OLA1: variants seen among roughly 807,000 people sequenced by gnomAD.
OLA1 encodes the protein Obg like ATPase 1.
A neutral mutation model predicts 48.4 loss-of-function variants in OLA1; 14 were observed. The ratio of observed to expected loss-of-function variants is 0.29; its 90% confidence interval spans 0.19 to 0.45. The LOEUF (loss-of-function observed/expected upper bound fraction) is 0.45. OLA1 is among the 20% of genes least tolerant of loss of function. The pLI, the probability that OLA1 is intolerant of heterozygous loss-of-function variation, is 1.00. For synonymous variants in OLA1, 127 were observed against 150.4 expected, an observed-to-expected ratio of 0.84 and a Z score of 1.14; for missense variants, 325 against 467.1, an observed-to-expected ratio of 0.70 and a Z score of 2.80.
chr2:174,116,732 A>G (rs1685793443), intron 7 of OLA1, among the ~76,000 whole-genome samples: 1 of 152,196 alleles, frequency 6.6e-6, no homozygotes, highest in South Asian at 2.1e-4. Context: ...ATTACACTTC[A>G]TTAAAATCAT....
intron 4 of OLA1, among the ~76,000 whole-genome samples, chr2:174,159,650 TAAATA>T (rs1250030705): frequency 6.6e-6 from 1 of 152,126 alleles, no homozygotes; most frequent in Non-Finnish European, 1.5e-5. Flanking sequence ...GCTTATATAA[TAAATA>T]AAATGATTAA....
chr2:174,105,041 T>C (rs1285273523), intron 7 of OLA1, among the ~76,000 whole-genome samples: 1 of 151,926 alleles, frequency 6.6e-6, no homozygotes, highest in African/African-American at 2.4e-5. Context: ...GCATATTAAG[T>C]GGAAAAAATT....
intron 4 of OLA1, among the ~76,000 whole-genome samples, chr2:174,196,551 G>C (rs746454224): frequency 6.6e-6 from 1 of 152,178 alleles, no homozygotes; most frequent in Non-Finnish European, 1.5e-5. Flanking sequence ...CCATTTGGTG[G>C]TTGTAATTTA....
chr2:174,243,384 A>G (rs1047474305), intron 2 of OLA1, among the ~76,000 whole-genome samples: 2 of 152,202 alleles, frequency 1.3e-5, no homozygotes, highest in Admixed American at 6.5e-5. Context: ...AGCCATGATC[A>G]TGCCACCGCA....
chr2:174,169,279 G>A (rs983828450), intron 4 of OLA1, among the ~76,000 whole-genome samples: 1 of 152,060 alleles, frequency 6.6e-6, no homozygotes, highest in Admixed American at 6.5e-5. Flanking sequence ...TAAAAGGAGA[G>A]GGGAAAGAGA....
At chr2:174,246,151 T>C (rs2105469958) in intron 2 of OLA1, among the ~76,000 whole-genome samples, 1 of 151,198 alleles carries the variant, frequency 6.6e-6, no homozygotes, top group African/African-American at 2.4e-5. Flanking sequence ...AATACAAAAA[T>C]TAGCTGGGCG....
intron 4 of OLA1, among the ~76,000 whole-genome samples, chr2:174,178,655 A>G (rs1687470319): frequency 6.6e-6 from 1 of 152,004 alleles, no homozygotes; most frequent in Admixed American, 6.6e-5. Flanking sequence ...CAAATCAAAT[A>G]TAGTATATAT....
intron 7 of OLA1, among the ~76,000 whole-genome samples, chr2:174,086,459 A>G (rs1421770600): frequency 3.9e-5 from 6 of 152,212 alleles, no homozygotes; most frequent in Non-Finnish European, 8.8e-5. Context: ...ACCCTCGGAC[A>G]GTACCAAACC....
At chr2:174,122,036 C>A (rs974494841) in intron 7 of OLA1, among the ~76,000 whole-genome samples, 1 of 152,072 alleles carries the variant, frequency 6.6e-6, no homozygotes, top group Admixed American at 6.6e-5. Flanking sequence ...CATTAATCAT[C>A]AAATTTATAA....
chr2:174,236,919 C>T (rs1688864866), intron 2 of OLA1, among the ~76,000 whole-genome samples: 1 of 152,022 alleles, frequency 6.6e-6, no homozygotes, highest in Admixed American at 6.6e-5. Flanking sequence ...AATGTGAGGG[C>T]CTAGGACATT....
chr2:174,121,056 T>C (rs1685903996), intron 7 of OLA1, among the ~76,000 whole-genome samples: 1 of 152,168 alleles, frequency 6.6e-6, no homozygotes, highest in South Asian at 2.1e-4. Context: ...CTAACACAAT[T>C]AAAAGGATTT....
chr2:174,243,149 C>T (rs1157206788), intron 2 of OLA1, among the ~76,000 whole-genome samples: 1 of 152,182 alleles, frequency 6.6e-6, no homozygotes, highest in Non-Finnish European at 1.5e-5. Context: ...GCTGGGATTA[C>T]AGGGGCGTGC....
chr2:174,119,956 A>AAC (rs10592077), intron 7 of OLA1, among the ~76,000 whole-genome samples: 5,800 of 149,512 alleles, frequency 0.039, 133 homozygotes, highest in Middle Eastern at 0.058. Flanking sequence ...CACACACACA[A>AAC]ACACACACAC....
intron 2 of OLA1, among the ~76,000 whole-genome samples, chr2:174,244,668 G>A (rs1187084947): frequency 6.6e-6 from 1 of 151,016 alleles, no homozygotes; most frequent in Non-Finnish European, 1.5e-5. Flanking sequence ...CTGTCACCCA[G>A]GCTGGGGTGC....
intron 4 of OLA1, among the ~76,000 whole-genome samples, chr2:174,199,871 T>C (rs1268199289): frequency 6.6e-6 from 1 of 152,198 alleles, no homozygotes; most frequent in African/African-American, 2.4e-5. Flanking sequence ...TTCCCTTTTC[T>C]AACCACATAT....
At chr2:174,128,746 A>C (rs530670496) in intron 5 of OLA1, among the ~76,000 whole-genome samples, 1 of 151,758 alleles carries the variant, frequency 6.6e-6, no homozygotes, top group African/African-American at 2.4e-5. Flanking sequence ...CAAAAAAAAA[A>C]AAAATAAAAT....
At chr2:174,179,304 T>C (rs1687481835) in intron 4 of OLA1, among the ~76,000 whole-genome samples, 1 of 151,848 alleles carries the variant, frequency 6.6e-6, no homozygotes, top group Non-Finnish European at 1.5e-5. Context: ...CATCAAAGTT[T>C]AAATAAATAG....
At chr2:174,133,246 G>A (rs931430122) in intron 5 of OLA1, among the ~76,000 whole-genome samples, 3 of 152,024 alleles carry the variant, frequency 2.0e-5, no homozygotes, top group African/African-American at 7.2e-5. Context: ...TACTTTACTG[G>A]GACATAACCG....
chr2:174,123,092 C>A, intron 7 of OLA1, 88 bp downstream of exon 7: 1 of 625,920 alleles, frequency 1.6e-6, no homozygotes, highest in Non-Finnish European at 2.8e-6. Flanking sequence ...TAAAATTAAA[C>A]ATTGCCGTTA....
Sources: allele counts gnomAD v4.1 joint callset (sites outside exome capture counted in the v4.1 genomes callset), GRCh38; gene constraint gnomAD v4.1.1; transcripts MANE v1.5; gene names NCBI Gene and HGNC (gene_info 2026-07-23, HGNC 2026-07-21).